The following NME9 variants were observed in gnomAD, a reference collection of about 807,000 sequenced individuals.
NME9 encodes the protein thioredoxin domain-containing protein 6.
In NME9, 48 loss-of-function variants were observed where a neutral mutation model predicts 44.4. The ratio of observed to expected loss-of-function variants is 1.08; its 90% CI spans 0.86 to 1.37. NME9 has a LOEUF of 1.37. Among genes scored for constraint, NME9 ranks in the 40% most tolerant of loss-of-function variants. The pLI is 0.00. For synonymous variants in NME9, 139 were observed against 147.1 expected, an observed-to-expected ratio of 0.94 and a Z score of 0.40; for missense variants, 325 against 405.2, an observed-to-expected ratio of 0.80 and a Z score of 1.70.
intron 8 of NME9, among the ~76,000 whole-genome samples, chr3:138,275,214 T>C (rs1320760100): frequency 1.3e-5 from 2 of 152,242 alleles, no homozygotes; most frequent in African/African-American, 4.8e-5. Context: ...ACTGGCGATC[T>C]TCAGTTTTTT....
rs991614608 is a variant in NME9 at position 138,266,749 on chromosome 3, C to G, written c.746-4163G>C. 6.6e-5 allele frequency among the ~76,000 whole-genome samples: 10 copies of G among 152,160 alleles called. No individual in the cohort carries two copies. The East Asian group carries it at 1.9e-3, about 29-fold the overall frequency. ...TCGTCAGTGCTCCTGGTCAAACAAG[C>G]CCTTCTAAGGACACATCAGAAAGTC... On this transcript the variant is annotated intron_variant, in intron 8 of 8. Transcript: ENST00000317876.
At position 138,317,995 on chromosome 3, in the gene NME9, C is replaced by CA. The variant is rs199952162; in HGVS notation, c.267+152dup. Reference sequence around the variant, plus strand: ...ATCATAAAAATAGACTGGGAGGCATCAGAGAAAACAGCATCACTTGTTTGA... The same window carrying CA: ...ATCATAAAAATAGACTGGGAGGCATCAAGAGAAAACAGCATCACTTGTTTGA... On this transcript the variant is annotated intron_variant, in intron 4 of 10. Transcript: ENST00000333911. 4.3e-3 allele frequency among the ~76,000 whole-genome samples: 661 copies of CA among 152,134 alleles called. 7 individuals are homozygous for CA. The highest frequency in any genetic ancestry group is 0.015 in the African/African-American group (632 of 41,508).
intron 8 of NME9, among the ~76,000 whole-genome samples, chr3:138,277,999 A>G (rs1445058638): frequency 2.0e-5 from 3 of 152,244 alleles, no homozygotes; most frequent in African/African-American, 4.8e-5. Flanking sequence ...TGCCAGATAC[A>G]ATACAAAAGG....
intron 8 of NME9, among the ~76,000 whole-genome samples, chr3:138,281,738 A>T (rs1273115774): frequency 6.6e-6 from 1 of 152,068 alleles, no homozygotes; most frequent in African/African-American, 2.4e-5. Flanking sequence ...CAAAAAGGGG[A>T]ATTACTCACC....
chr3:138,318,725 C>A lies in NME9; in HGVS notation c.196-506G>T, dbSNP rs76983270. On this transcript the variant is annotated intron_variant, in intron 3 of 10. Transcript: ENST00000333911. Reference sequence around the variant, plus strand: ...TCTCCTGTCTTCACTGCCTATGAACCTCAAACCCATGCAGCATATCAACAG... The same window carrying A: ...TCTCCTGTCTTCACTGCCTATGAACATCAAACCCATGCAGCATATCAACAG... 9.2e-3 allele frequency among the ~76,000 whole-genome samples: 1,408 copies of A among 152,294 alleles called. 24 individuals carry two copies. The highest frequency in any genetic ancestry group is 0.033 in the African/African-American group (1,367 of 41,570).
intron 8 of NME9, among the ~76,000 whole-genome samples, chr3:138,276,607 A>G (rs193128239): frequency 6.6e-6 from 1 of 152,350 alleles, no homozygotes; most frequent in African/African-American, 2.4e-5. Context: ...TAGAAAAGGC[A>G]GTTGTATTTT....
intron 8 of NME9, chr3:138,287,860 AT>A (rs2050576598): frequency 2.0e-5 from 6 of 293,750 alleles, no homozygotes; most frequent in South Asian, 6.6e-5. Context: ...CATACTAGAA[AT>A]TTTTTTTATT....
chr3:138,301,703 G>A lies in NME9; in HGVS notation c.930C>T (p.Gly310=), dbSNP rs576702986. 2.8e-4 allele frequency: 432 copies of A among 1,535,682 alleles called. 1 individual carries two copies. Among genetic ancestry groups the A allele is most frequent in the Admixed American group, 3.7e-4 (19 of 50,992 alleles). ...FSDKDTEAPQ[G]GEAEATAGPT... is the part of the protein sequence containing the mutation. ...GCCCCGCTGTTGCTTCAGCCTCACC[G>A]CCTGTGGGATGACAGATGTTTGGTA... is the stretch of plus-strand genomic sequence containing the variant. Residue 310 remains glycine (G), a splice_region_variant and synonymous_variant, in exon 11 of 11, where the codon GGC becomes GGT. Transcript: ENST00000333911.
At chr3:138,324,595 C>G (rs2053659724) in intron 2 of NME9, 2 of 534,278 alleles carry the variant, frequency 3.7e-6, no homozygotes. Flanking sequence ...CCTTTAGTGC[C>G]TGAAGTAATT....
chr3:138,318,314 G>C (rs1376924706), intron 3 of NME9, 95 bp from the exon 4 acceptor site: 16 of 804,210 alleles, frequency 2.0e-5, no homozygotes, highest in Non-Finnish European at 3.5e-5. Flanking sequence ...AACACCCCCA[G>C]GACTGACTTC....
chr3:138,305,905 C>T (rs2108433597), intron 8 of NME9, 99 bp downstream of exon 8: 1 of 846,048 alleles, frequency 1.2e-6, no homozygotes, highest in South Asian at 1.5e-5. Flanking sequence ...TTTGGTTCTT[C>T]ATAATTTCTT....
chr3:138,298,475 A>G (rs1315687485), downstream of NME9: 1 of 152,232 alleles, frequency 6.6e-6, no homozygotes, highest in Admixed American at 6.5e-5. Context: ...TTCTTGGTAA[A>G]TGAAGGGCTG....
chr3:138,312,107 T>C (rs182733405), intron 6 of NME9, among the ~76,000 whole-genome samples: 137 of 152,128 alleles, frequency 9.0e-4, no homozygotes, highest in African/African-American at 3.1e-3. Context: ...TGAAAGAAAT[T>C]GAAGAGGACA....
intron 8 of NME9, among the ~76,000 whole-genome samples, chr3:138,284,695 A>G (rs1417264571): frequency 1.3e-5 from 2 of 152,142 alleles, no homozygotes; most frequent in Non-Finnish European, 2.9e-5. Flanking sequence ...AAAAAACACC[A>G]ACTCCTTGAA....
intron 8 of NME9, among the ~76,000 whole-genome samples, chr3:138,268,944 A>G (rs1489792793): frequency 1.3e-5 from 2 of 152,160 alleles, no homozygotes; most frequent in African/African-American, 2.4e-5. Context: ...TAACTGTACT[A>G]TGGTTATCTA....
At chr3:138,275,209 C>T (rs950958643) in intron 8 of NME9, among the ~76,000 whole-genome samples, 1 of 152,150 alleles carries the variant, frequency 6.6e-6, no homozygotes, top group Non-Finnish European at 1.5e-5. Flanking sequence ...GAGATACTGG[C>T]GATCTTCAGT....
At chr3:138,288,982 C>A in intron 8 of NME9, 1 of 1,390,264 alleles carries the variant, frequency 7.2e-7, no homozygotes, top group East Asian at 2.4e-5. Context: ...GGTAGGTCCC[C>A]CCAAAAAAAA....
rs536428370 is a variant in NME9 at position 138,317,852 on chromosome 3, G to A, written c.267+296C>T. 4.6e-5 allele frequency among the ~76,000 whole-genome samples: 7 copies of A among 152,334 alleles called. No homozygotes were observed. In the East Asian group the frequency reaches 7.7e-4, roughly 17 times the overall value. On this transcript the variant is annotated intron_variant, in intron 4 of 10. Transcript: ENST00000333911. ...AAGTCAGGAAGGTTGCCCCAGCACA[G>A]TGACCACTAGGGTGCTGTGTCATCC... is the stretch of plus-strand genomic sequence containing the variant.
At chr3:138,309,917 A>G (rs1269994703) in intron 6 of NME9, among the ~76,000 whole-genome samples, 1 of 151,196 alleles carries the variant, frequency 6.6e-6, no homozygotes, top group African/African-American at 2.4e-5. Context: ...ATCCCAGCTA[A>G]TTGGGAGGCT....
Sources: allele counts gnomAD v4.1 joint callset (sites outside exome capture counted in the v4.1 genomes callset), GRCh38; gene constraint gnomAD v4.1.1; transcripts MANE v1.5; gene names NCBI Gene and HGNC (gene_info 2026-07-23, HGNC 2026-07-21).